Variants in NOL4 observed in about 807,000 individuals in gnomAD.
The protein encoded by NOL4 is nucleolar protein 4, also known as cancer/testis antigen 125.
A neutral mutation model predicts 75.9 loss-of-function variants in NOL4; 17 were observed. The ratio of observed to expected loss-of-function variants is 0.22; its 90% CI spans 0.15 to 0.34. NOL4 has a LOEUF of 0.34. Ranked by LOEUF, NOL4 falls within the 10% of genes least tolerant of loss-of-function variation. NOL4 has a pLI of 1.00. For synonymous variants in NOL4, 292 were observed against 289.9 expected (o/e 1.01, Z -0.07); for missense variants, 614 against 793.5 (o/e 0.77, Z 2.72).
chr18:34,003,234 T>G (rs529581959), intron 6 of NOL4, among the ~76,000 whole-genome samples: 2 of 152,150 alleles, frequency 1.3e-5, no homozygotes, highest in Non-Finnish European at 2.9e-5. Context: ...CATGTAAGTA[T>G]GCTGCCTAGT....
intron 6 of NOL4, among the ~76,000 whole-genome samples, chr18:34,015,577 C>T (rs770392984): frequency 1.1e-4 from 17 of 151,926 alleles, no homozygotes; most frequent in Non-Finnish European, 2.4e-4. Flanking sequence ...TGATATTCTG[C>T]GAGGTGACAT....
intron 1 of NOL4, among the ~76,000 whole-genome samples, chr18:34,217,154 A>G (rs2146608861): frequency 6.6e-6 from 1 of 152,326 alleles, no homozygotes; most frequent in South Asian, 2.1e-4. Context: ...CTTTTTTAAA[A>G]AACTGAGACA....
intron 10 of NOL4, among the ~76,000 whole-genome samples, chr18:33,868,184 A>G: frequency 6.6e-6 from 1 of 150,914 alleles, no homozygotes; most frequent in African/African-American, 2.4e-5. Flanking sequence ...GCTACAGGCC[A>G]TGCTACTACA....
chr18:33,872,450 A>G (rs1057180050), intron 10 of NOL4, among the ~76,000 whole-genome samples: 6 of 152,034 alleles, frequency 3.9e-5, no homozygotes, highest in Non-Finnish European at 8.8e-5. Context: ...AAGGTTGTTC[A>G]TTGACCCCAT....
chr18:34,086,069 T>A (rs2078227498), intron 5 of NOL4, among the ~76,000 whole-genome samples: 1 of 152,122 alleles, frequency 6.6e-6, no homozygotes, highest in Admixed American at 6.6e-5. Context: ...TCTAAAAGCT[T>A]CATCGAATTA....
chr18:33,987,627 T>A (rs2072563853), intron 6 of NOL4, among the ~76,000 whole-genome samples: 1 of 152,106 alleles, frequency 6.6e-6, no homozygotes, highest in Admixed American at 6.6e-5. Context: ...CAGGAAAGTA[T>A]CAGTGTTCTC....
In NOL4 at chr18:34,158,659, G is replaced by A. The variant is rs1254173495; in HGVS notation, c.265-28639C>T. 4.6e-5 allele frequency: 7 copies of A among 152,316 alleles called. No homozygotes were observed. In the East Asian group the frequency reaches 1.3e-3, roughly 29 times the overall value. The allele number at this position is 152,316 out of a possible 1,614,324, so 9.4% of individuals were successfully genotyped here. A position where few individuals can be genotyped will look rare whatever the true frequency, so the allele number is the denominator to read the frequency against. ...AAAGTGTTTATTTCAGGGGTGCTTA[G>A]CAGCAAGAGAACATTCCTATAAATA... On this transcript the variant is annotated intron_variant, in intron 1 of 10. Transcript: ENST00000261592.
chr18:33,854,884 C>T (rs1011879698), intron 10 of NOL4, among the ~76,000 whole-genome samples: 2 of 151,850 alleles, frequency 1.3e-5, no homozygotes, highest in African/African-American at 2.4e-5. Context: ...TTATTCTAAT[C>T]GGCAGTTTTT....
intron 6 of NOL4, among the ~76,000 whole-genome samples, chr18:34,006,617 T>A (rs900108231): frequency 1.3e-5 from 2 of 152,022 alleles, no homozygotes; most frequent in Non-Finnish European, 2.9e-5. Flanking sequence ...AAAGCTACCA[T>A]CCATGAACCT....
Position 34,205,291 on chromosome 18 carries a change from T to A in NOL4, c.264+17699A>T, listed in dbSNP as rs573894485. 2.6e-5 allele frequency among the ~76,000 whole-genome samples: 4 copies of A among 152,166 alleles called. No individual in the cohort carries two copies. The Middle Eastern group carries it at 0.01, about 388-fold the overall frequency. ...ATGATATAACAATTCTCTCAGTAGA[T>A]AAAGAGACATGAAAAGAAAATGTAG... On this transcript the variant is annotated intron_variant, in intron 1 of 10. Transcript: ENST00000261592.
Position 34,224,385 on chromosome 18 carries a change from C to T in NOL4, c.-1132G>A, listed in dbSNP as rs902013916. Reference sequence around the variant, plus strand: ...CCCTGCCACGTCATGGACACCCCCTCCACTGCTCTGAGTAGCCAAATATGA... The same window carrying T: ...CCCTGCCACGTCATGGACACCCCCTTCACTGCTCTGAGTAGCCAAATATGA... On this transcript the variant is annotated 5_prime_UTR_variant, in exon 1 of 11. The change creates a premature stop within an existing upstream ORF in the 5' untranslated region. Transcript: ENST00000261592. The T allele has an allele frequency of 3.9e-5, 6 of 152,574 alleles. No homozygotes were observed. Among genetic ancestry groups the T allele is most frequent in the Non-Finnish European group, 8.8e-5 (6 of 68,344 alleles). The allele number at this position is 152,574 out of a possible 1,614,324, so 9.5% of individuals were successfully genotyped here.
intron 1 of NOL4, among the ~76,000 whole-genome samples, chr18:34,164,459 A>C (rs560076763): frequency 3.0e-4 from 45 of 152,348 alleles, no homozygotes; most frequent in African/African-American, 9.4e-4. Context: ...TCTCAAAAGA[A>C]GACATTTATG....
intron 1 of NOL4, among the ~76,000 whole-genome samples, chr18:34,151,413 A>G: frequency 6.6e-6 from 1 of 151,880 alleles, no homozygotes; most frequent in East Asian, 1.9e-4. Context: ...TACATGAAAG[A>G]ATCTTAAATG....
chr18:34,223,266 C>A lies in NOL4; in HGVS notation c.-13G>T. Reference sequence around the variant, plus strand: ...GCTCGCTCTCCATGTTCCCCGCGCTCGGCCGCTGGCCGGATGCTCCCAGCG... The same window carrying A: ...GCTCGCTCTCCATGTTCCCCGCGCTAGGCCGCTGGCCGGATGCTCCCAGCG... On this transcript the variant is annotated 5_prime_UTR_variant, in exon 1 of 11. Transcript: ENST00000261592. The A allele has an allele frequency of 1.2e-6, 2 of 1,611,642 alleles. No individual in the cohort carries two copies. The highest frequency in any genetic ancestry group is 1.7e-6 in the Non-Finnish European group (2 of 1,179,318).
intron 4 of NOL4, among the ~76,000 whole-genome samples, chr18:34,099,256 G>T (rs1051522862): frequency 2.9e-4 from 43 of 149,834 alleles, no homozygotes; most frequent in African/African-American, 1.0e-3. Context: ...CTAGCTACTC[G>T]GGAGGCTGAG....
chr18:34,203,717 T>TCTCTCTCTCTCA (rs1261546835), intron 1 of NOL4, among the ~76,000 whole-genome samples: 7 of 72,302 alleles, frequency 9.7e-5, no homozygotes, highest in African/African-American at 3.0e-4. Flanking sequence ...TCTCTCTCTC[T>TCTCTCTCTCTCA]CACACACACA....
intron 5 of NOL4, among the ~76,000 whole-genome samples, chr18:34,076,912 T>G (rs907315957): frequency 1.3e-5 from 2 of 152,190 alleles, no homozygotes; most frequent in African/African-American, 4.8e-5. Context: ...TGATGAACTC[T>G]CTGCTTATAT....
At chr18:34,133,886 G>A (rs1278009491) in intron 1 of NOL4, among the ~76,000 whole-genome samples, 1 of 152,084 alleles carries the variant, frequency 6.6e-6, no homozygotes, top group Non-Finnish European at 1.5e-5. Flanking sequence ...AGCTGGGCGT[G>A]GTGGCATGCA....
intron 5 of NOL4, among the ~76,000 whole-genome samples, chr18:34,040,974 A>G (rs1465196115): frequency 6.6e-6 from 1 of 151,990 alleles, no homozygotes; most frequent in Non-Finnish European, 1.5e-5. Flanking sequence ...ACTCCAGATA[A>G]TTTTGTCTGA....
Sources: allele counts gnomAD v4.1 joint callset (sites outside exome capture counted in the v4.1 genomes callset), GRCh38; gene constraint gnomAD v4.1.1; transcripts MANE v1.5; gene names NCBI Gene and HGNC (gene_info 2026-07-23, HGNC 2026-07-21).